Variants in KDR observed in about 807,000 individuals in gnomAD.
The protein encoded by KDR is kinase insert domain receptor.
Under a neutral mutation model 160.9 loss-of-function variants are expected in KDR, and 43 were observed. The observed-to-expected ratio is 0.27, with a 90% confidence interval of 0.21 to 0.34. The LOEUF is 0.34. KDR is among the 10% of genes least tolerant of loss of function. The pLI is 1.00. For missense variants in KDR, 1,469 were observed against 1,666.4 expected (o/e 0.88, Z 2.06); for synonymous variants, 617 against 600.1 (o/e 1.03, Z -0.41).
chr4:55,079,099 AC>A lies in KDR; in HGVS notation c.*841del, dbSNP rs1194510771. ...CCAGAAGCTGGTTTGTGCAGTCAGA[AC>A]TCTTCAACACGGCAGGGAGCCTTGA... is the stretch of plus-strand genomic sequence containing the variant. On this transcript the variant is annotated 3_prime_UTR_variant, in exon 30 of 30. Coordinates refer to ENST00000263923, the MANE Select transcript of KDR (RefSeq NM_002253.4). 2 of 233,136 alleles carry A rather than the reference AC, an allele frequency of 8.6e-6. No individual in the cohort carries two copies. Among genetic ancestry groups the A allele is most frequent in the Non-Finnish European group, 1.7e-5 (2 of 118,132 alleles). The allele number at this position is 233,136 out of a possible 1,614,324, so 14.4% of individuals were successfully genotyped here.
At chr4:55,085,876 A>G (rs1421755950) in intron 27 of KDR, among the ~76,000 whole-genome samples, 1 of 152,208 alleles carries the variant, frequency 6.6e-6, no homozygotes, top group Non-Finnish European at 1.5e-5. Context: ...TGGTGCTTCC[A>G]TTACACAAAC....
chr4:55,111,871 A>G (rs1265436569), intron 7 of KDR, among the ~76,000 whole-genome samples: 1 of 152,208 alleles, frequency 6.6e-6, no homozygotes, highest in Non-Finnish European at 1.5e-5. Context: ...AGATGAGATG[A>G]GCTAATAAAG....
rs534177346 is a variant in KDR, at chr4:55,122,395, A to C, written c.68-1205T>G. ...GCTCCCAAGCTTTCTAAGTCATATC[A>C]ACTAAGAAAAAATGACTCCCTAGGC... On this transcript the variant is annotated intron_variant, in intron 1 of 29. Transcript: ENST00000263923. Among the ~76,000 whole-genome samples the C allele has an allele frequency of 1.3e-4, 20 of 152,370 alleles. No individual in the cohort carries two copies. The East Asian group carries it at 3.5e-3, about 26-fold the overall frequency.
intron 21 of KDR, among the ~76,000 whole-genome samples, chr4:55,094,074 T>C (rs1578130160): frequency 6.7e-6 from 1 of 149,534 alleles, no homozygotes; most frequent in South Asian, 2.1e-4. Flanking sequence ...CTGGGCATGG[T>C]GGAAGGCACC....
At chr4:55,101,876 A>T (rs373433596) in intron 15 of KDR, 21 bp downstream of exon 15, 62 of 1,551,614 alleles carry the variant, frequency 4.0e-5, no homozygotes, top group Non-Finnish European at 5.1e-5. Flanking sequence ...TATGTACCAC[A>T]TTTTTTTTTA....
At chr4:55,100,176 A>C (rs932655479) in intron 15 of KDR, among the ~76,000 whole-genome samples, 7 of 152,200 alleles carry the variant, frequency 4.6e-5, no homozygotes, top group African/African-American at 1.7e-4. Context: ...AGAGAGAAGA[A>C]GACAAGTAAG....
intron 11 of KDR, 117 bp downstream of exon 11, chr4:55,106,570 G>T (rs368562658): frequency 5.0e-6 from 4 of 800,208 alleles, no homozygotes; most frequent in East Asian, 2.6e-5. Context: ...GACTTAATAC[G>T]CTCTATTTAA....
chr4:55,089,009 CT>C, intron 25 of KDR, 36 bp from the exon 26 acceptor site: 2 of 1,435,674 alleles, frequency 1.4e-6, no homozygotes, highest in Non-Finnish European at 2.0e-6. Context: ...TTAAATGCCT[CT>C]TTCTTCCTGA....
At chr4:55,110,280 G>T in intron 9 of KDR, 123 bp downstream of exon 9, 1 of 1,033,498 alleles carries the variant, frequency 9.7e-7, no homozygotes, top group Non-Finnish European at 1.5e-6. Flanking sequence ...GATGACTTTT[G>T]TACGCAGGCC....
chr4:55,119,213 A>G (rs1397548982), intron 2 of KDR, among the ~76,000 whole-genome samples: 1 of 152,150 alleles, frequency 6.6e-6, no homozygotes, highest in Non-Finnish European at 1.5e-5. Context: ...CCTCAAAAAA[A>G]AAAAAACAAA....
intron 9 of KDR, among the ~76,000 whole-genome samples, chr4:55,109,074 T>C (rs1720510347): frequency 7.6e-6 from 1 of 131,586 alleles, no homozygotes; most frequent in South Asian, 2.4e-4. Context: ...CTAAACAACC[T>C]TTTTGGAACC....
chr4:55,122,746 T>C (rs1326644726), intron 1 of KDR: 4 of 152,208 alleles, frequency 2.6e-5, no homozygotes, highest in East Asian at 1.9e-4. Context: ...TACTGACTTA[T>C]GTTTAGAACA....
In KDR at chr4:55,113,214, T is replaced by C. The variant is rs896102440; in HGVS notation, c.976+90A>G. 23 of 1,367,710 alleles carry C rather than the reference T, an allele frequency of 1.7e-5. No homozygotes were observed. The Admixed American group carries it at 3.9e-4, about 23-fold the overall frequency. The allele number at this position is 1,367,710 out of a possible 1,614,324, so 84.7% of individuals were successfully genotyped here. A position where few individuals can be genotyped will look rare whatever the true frequency, so the allele number is the denominator to read the frequency against. On this transcript the variant is annotated intron_variant, in intron 7 of 29. Transcript: ENST00000263923. ...GAAAAACTAGAAACTATCTTCTGAA[T>C]GAACAAAATAGGAATCACTAAGTGA...
chr4:55,095,112 G>A (rs544770290), intron 20 of KDR, among the ~76,000 whole-genome samples, 157 bp from the exon 21 acceptor site: 1 of 152,326 alleles, frequency 6.6e-6, no homozygotes, highest in East Asian at 1.9e-4. Context: ...TCTCTGAGCT[G>A]AAACTTGGGG....
intron 5 of KDR, 117 bp downstream of exon 5, chr4:55,114,757 A>T: frequency 1.1e-6 from 1 of 909,824 alleles, no homozygotes; most frequent in Non-Finnish European, 1.8e-6. Flanking sequence ...GAATTGCCCA[A>T]CACCATATCC....
chr4:55,110,042 C>CT (rs1380454211), intron 9 of KDR, among the ~76,000 whole-genome samples: 1 of 152,156 alleles, frequency 6.6e-6, no homozygotes, highest in Non-Finnish European at 1.5e-5. Context: ...GGAGAAGGGT[C>CT]TTACACATCT....
At chr4:55,091,156 A>G (rs1350465031) in intron 22 of KDR, among the ~76,000 whole-genome samples, 1 of 152,190 alleles carries the variant, frequency 6.6e-6, no homozygotes, top group Non-Finnish European at 1.5e-5. Context: ...CCTGGCCAAA[A>G]GGAGAATTCT....
chr4:55,102,241 G>A, intron 14 of KDR, 121 bp downstream of exon 14: 10 of 1,322,816 alleles, frequency 7.6e-6, no homozygotes, highest in Non-Finnish European at 1.1e-5. Context: ...TGTGAAATGA[G>A]CCAGGTCATG....
intron 1 of KDR, among the ~76,000 whole-genome samples, chr4:55,122,315 T>A (rs1720902498): frequency 6.6e-6 from 1 of 152,142 alleles, no homozygotes; most frequent in South Asian, 2.1e-4. Context: ...AGGGTCTTAA[T>A]AAATATCAAG....
Sources: allele counts gnomAD v4.1 joint callset (sites outside exome capture counted in the v4.1 genomes callset), GRCh38; gene constraint gnomAD v4.1.1; transcripts MANE v1.5; gene names NCBI Gene and HGNC (gene_info 2026-07-23, HGNC 2026-07-21).